The following SEC13 variants were observed in gnomAD, a reference collection of about 807,000 sequenced individuals.
SEC13 encodes SEC13 homolog, nuclear pore and COPII component, also known as protein SEC13 homolog.
A neutral mutation model predicts 49.2 loss-of-function variants in SEC13; 25 were observed. The ratio of observed to expected loss-of-function variants is 0.51; its 90% confidence interval spans 0.37 to 0.71. SEC13 has a LOEUF of 0.71. Among genes scored for constraint, SEC13 ranks in the 30% least tolerant of loss-of-function variants. SEC13 has a pLI of 0.00. For missense variants in SEC13, 383 were observed against 417.6 expected, an observed-to-expected ratio of 0.92 and a Z score of 0.72; for synonymous variants, 148 against 163.9, an observed-to-expected ratio of 0.90 and a Z score of 0.74.
intron 3 of SEC13, 77 bp downstream of exon 3, chr3:10,315,244 T>G (rs2125278567): frequency 9.2e-7 from 1 of 1,081,230 alleles, no homozygotes; most frequent in East Asian, 2.4e-5. Flanking sequence ...GCTCCCATGC[T>G]TTGCTCCCAC....
At chr3:10,315,064 C>A in intron 3 of SEC13, 1 of 369,814 alleles carries the variant, frequency 2.7e-6, no homozygotes, top group Non-Finnish European at 5.0e-6. Context: ...AGTCACTTGC[C>A]CAAGGTCTTC....
At chr3:10,311,826 G>C (rs1209197694) in intron 5 of SEC13, 139 bp downstream of exon 5, 1 of 1,556,434 alleles carries the variant, frequency 6.4e-7, no homozygotes, top group Non-Finnish European at 8.7e-7. Flanking sequence ...CTGCTCTAGA[G>C]CAATCATGTC....
rs549159843 is a variant in SEC13 at position 10,316,174 on chromosome 3, C to T, written c.49-738G>A. 7.3e-4 allele frequency among the ~76,000 whole-genome samples: 111 copies of T among 152,276 alleles called. 5 individuals carry two copies. In the South Asian group the frequency reaches 0.021, roughly 29 times the overall value. Reference sequence around the variant, plus strand: ...TGGCCCCTACCTGCAGATCCTTGTCCGCAGGGTGATGGTCTCTGAGGCACC... The same window carrying T: ...TGGCCCCTACCTGCAGATCCTTGTCTGCAGGGTGATGGTCTCTGAGGCACC... On this transcript the variant is annotated intron_variant, in intron 2 of 8. Transcript: ENST00000350697.
In SEC13 at chr3:10,305,055, C is replaced by T; in HGVS notation, c.686G>A (p.Ser229Asn). 2 of 1,614,146 alleles carry T rather than the reference C, an allele frequency of 1.2e-6. No individual in the cohort carries two copies. The highest frequency in any genetic ancestry group is 2.2e-5 in the East Asian group (1 of 44,882). Residue 229 changes from serine to asparagine, a missense_variant, in exon 7 of 9, where the codon AGC becomes AAC. By Grantham distance (46) the Ser-to-Asn change is conservative. Transcript: ENST00000350697. ...AWAPSIGLPT[S>N]TIASCSQDGR... ...GACCTGGGAGCAGCTGGCGATGGTG[C>T]TGGTGGGCAGGCCGATGGAGGGGGC...
intron 1 of SEC13, chr3:10,319,436 C>T (rs952068407): frequency 4.9e-5 from 29 of 589,652 alleles, no homozygotes; most frequent in African/African-American, 7.8e-5. Context: ...CAGAGACCTG[C>T]GACAGACTAA....
At chr3:10,313,547 G>A (rs1052325100) in intron 3 of SEC13, 2 of 408,634 alleles carry the variant, frequency 4.9e-6, no homozygotes, top group Non-Finnish European at 1.1e-5. Context: ...GCTGCTCCTG[G>A]TTTACTCCTT....
rs750872544 is a variant in SEC13, at chr3:10,305,033, C to A, written c.708G>T (p.Gln236His). 1 of 1,613,988 alleles carries A rather than the reference C, an allele frequency of 6.2e-7. No homozygotes were observed. Among genetic ancestry groups the A allele is most frequent in the Non-Finnish European group, 8.5e-7 (1 of 1,180,044 alleles). ...GGGATACTCATGGCCCTGGGCTGAC[C>A]TGGGAGCAGCTGGCGATGGTGCTGG... is the stretch of plus-strand genomic sequence containing the variant. Reference protein sequence around the residue: ...LPTSTIASCSQDGRVFIWTCD... With the variant: ...LPTSTIASCSHDGRVFIWTCD... Residue 236 changes from glutamine to histidine, a missense_variant and splice_region_variant, in exon 7 of 9, where the codon CAG becomes CAT. Coordinates refer to ENST00000350697, the MANE Select transcript of SEC13 (RefSeq NM_183352.3).
intron 5 of SEC13, among the ~76,000 whole-genome samples, chr3:10,309,517 C>G (rs1404568902): frequency 6.6e-6 from 1 of 152,166 alleles, no homozygotes; most frequent in Non-Finnish European, 1.5e-5. Context: ...CTTAGTCTTT[C>G]TTTACTTCTG....
chr3:10,312,288 C>T (rs1205547411), intron 4 of SEC13, among the ~76,000 whole-genome samples, 190 bp from the exon 5 acceptor site: 1 of 152,188 alleles, frequency 6.6e-6, no homozygotes, highest in Non-Finnish European at 1.5e-5. Flanking sequence ...ATTTCATAAC[C>T]TACAGTCTAT....
At chr3:10,313,742 A>G (rs1701431161) in intron 3 of SEC13, 1 of 184,630 alleles carries the variant, frequency 5.4e-6, no homozygotes, top group Admixed American at 5.3e-5. Context: ...AATATTTCAC[A>G]TCCTTTGAAT....
chr3:10,305,147 C>T lies in SEC13; in HGVS notation c.594G>A (p.Glu198=), dbSNP rs144621494. 8.2e-5 allele frequency: 132 copies of T among 1,611,408 alleles called. No individual in the cohort carries two copies. The highest frequency in any genetic ancestry group is 1.1e-4 in the Non-Finnish European group (130 of 1,178,680). The change falls in exon 7 of 9, where the codon GAG becomes GAA. Residue 198 remains glutamate, a synonymous_variant. Transcript: ENST00000350697. ...DNLIKLWKEE[E]DGQWKEEQKL... The stretch of plus-strand genomic sequence containing the variant: ...TCTGCTCCTCCTTCCACTGGCCGTC[C>T]TCCTCCTCCCTAACAGTGGGGACAG...
At chr3:10,303,130 T>C (rs1420409247) in intron 8 of SEC13, among the ~76,000 whole-genome samples, 1 of 152,212 alleles carries the variant, frequency 6.6e-6, no homozygotes, top group Non-Finnish European at 1.5e-5. Flanking sequence ...TTGCCTGTGT[T>C]GGTTGTGCCG....
intron 1 of SEC13, among the ~76,000 whole-genome samples, chr3:10,319,799 C>G (rs78890717): frequency 1.5e-3 from 25 of 16,164 alleles, no homozygotes; most frequent in East Asian, 2.2e-3. Context: ...AGAGAGAAGG[C>G]GGGGGGGGGG....
At chr3:10,310,122 ACC>A (rs1379837384) in intron 5 of SEC13, among the ~76,000 whole-genome samples, 1 of 151,930 alleles carries the variant, frequency 6.6e-6, no homozygotes, top group African/African-American at 2.4e-5. Flanking sequence ...CAGAGTGCAA[ACC>A]CCTCCTGGTC....
At chr3:10,303,993 G>C in intron 8 of SEC13, 33 bp downstream of exon 8, 1 of 1,612,166 alleles carries the variant, frequency 6.2e-7, no homozygotes, top group African/African-American at 1.3e-5. Flanking sequence ...CCAACAGGCT[G>C]TGTCCACCAT....
At chr3:10,303,068 A>G (rs983809483) in intron 8 of SEC13, among the ~76,000 whole-genome samples, 8 of 152,212 alleles carry the variant, frequency 5.3e-5, no homozygotes, top group Non-Finnish European at 1.2e-4. Context: ...ATGGGTACAG[A>G]GTTTCAATTT....
At chr3:10,314,777 C>T (rs1001113423) in intron 3 of SEC13, among the ~76,000 whole-genome samples, 9 of 152,198 alleles carry the variant, frequency 5.9e-5, no homozygotes, top group African/African-American at 1.9e-4. Flanking sequence ...TCACTGAACA[C>T]GTGCCACGGG....
At chr3:10,319,042 GTTA>G in intron 1 of SEC13, 1 of 1,110,232 alleles carries the variant, frequency 9.0e-7, no homozygotes, top group Non-Finnish European at 1.3e-6. Context: ...AACAAAAGCT[GTTA>G]TTTTTTTTCT....
At position 10,313,291 on chromosome 3, in the gene SEC13, G is replaced by A. The variant is rs116948267; in HGVS notation, c.165-561C>T. On this transcript the variant is annotated intron_variant, in intron 3 of 8. Transcript: ENST00000350697. ...ACATGCTCTGTGCCAGGCTTTGTAC[G>A]GTGACCATTTCTCTGGCCCAGGGAA... 444 of 363,388 alleles carry A rather than the reference G, an allele frequency of 1.2e-3. 8 individuals are homozygous for A. In the East Asian group the frequency reaches 0.026, roughly 22 times the overall value. The allele number at this position is 363,388 out of a possible 1,614,324, so 22.5% of individuals were successfully genotyped here. A position where few individuals can be genotyped will look rare whatever the true frequency, so the allele number is the denominator to read the frequency against.
Sources: gnomAD v4.1 joint callset for allele counts (sites outside exome capture counted in the v4.1 genomes callset) on GRCh38, gnomAD v4.1.1 for gene constraint, MANE v1.5 for transcripts, NCBI Gene and HGNC (gene_info 2026-07-23, HGNC 2026-07-21) for gene names.